SPATA2: variants seen among roughly 807,000 people sequenced by gnomAD.
The protein encoded by SPATA2 is spermatogenesis-associated protein 2.
SPATA2 carries 8 observed loss-of-function variants against 35.4 expected under a neutral mutation model. That is an observed-to-expected ratio of 0.23 (90% confidence interval 0.13 to 0.41). The LOEUF (loss-of-function observed/expected upper bound fraction) is 0.41, where lower values mean the gene tolerates loss of function less well. SPATA2 is among the 10% of genes least tolerant of loss of function. SPATA2 has a pLI of 1.00. For missense variants in SPATA2, 650 were observed against 698.7 expected, an observed-to-expected ratio of 0.93 and a Z score of 0.79; for synonymous variants, 293 against 300.9, an observed-to-expected ratio of 0.97 and a Z score of 0.27.
At chr20:49,909,490 G>C (rs1025560880) in intron 1 of SPATA2, among the ~76,000 whole-genome samples, 4 of 151,754 alleles carry the variant, frequency 2.6e-5, no homozygotes, top group African/African-American at 4.8e-5. Context: ...AGGATGGCTT[G>C]AGTCCAGGAG....
At position 49,906,950 on chromosome 20, in the gene SPATA2, G is replaced by A. The variant is rs2090149528; in HGVS notation, c.337-105C>T. On this transcript the variant is annotated intron_variant, in intron 2 of 2. Transcript: ENST00000289431. The surrounding 1 kb of genome is among the most constrained non-coding windows in gnomAD (Gnocchi z 8.2). The stretch of plus-strand genomic sequence containing the variant: ...GTCCAGCTCTGAAGTGGGGCGGCGG[G>A]GAGAGGGCAGGGCAGGGAAGGATCT... 3.1e-6 allele frequency: 4 copies of A among 1,277,528 alleles called. No homozygotes were observed. The Admixed American group carries it at 7.6e-5, about 24-fold the overall frequency. 79.1% of individuals were successfully genotyped at this position (1,277,528 alleles called of 1,614,324 possible). A position where few individuals can be genotyped will look rare whatever the true frequency, so the allele number is the denominator to read the frequency against.
At chr20:49,910,829 C>T (rs1364960912) in intron 1 of SPATA2, among the ~76,000 whole-genome samples, 1 of 151,560 alleles carries the variant, frequency 6.6e-6, no homozygotes, top group African/African-American at 2.4e-5. Flanking sequence ...AAACTAGGGA[C>T]ACAGAGAGGC....
intron 1 of SPATA2, among the ~76,000 whole-genome samples, chr20:49,910,191 A>G (rs1355246486): frequency 1.3e-5 from 2 of 152,198 alleles, no homozygotes; most frequent in Non-Finnish European, 2.9e-5. Flanking sequence ...CACGGGGTCC[A>G]AGGCCAGGCA....
intron 2 of SPATA2, among the ~76,000 whole-genome samples, chr20:49,907,942 T>G (rs1271290289): frequency 6.6e-6 from 1 of 152,198 alleles, no homozygotes; most frequent in Non-Finnish European, 1.5e-5. Flanking sequence ...ATAACCTGGC[T>G]GCCCCTGCCT....
rs748281061 is a variant in SPATA2 at position 49,906,401 on chromosome 20, A to C, written c.781T>G (p.Trp261Gly). The C allele has an allele frequency of 6.8e-5, 109 of 1,613,544 alleles. No homozygotes were observed. The Admixed American group carries it at 1.7e-3, about 26-fold the overall frequency. Residue 261 changes from tryptophan to glycine, a missense_variant, in exon 3 of 3, where the codon TGG (tryptophan) becomes GGG (glycine). By Grantham distance (184) the Trp-to-Gly change is radical. Coordinates refer to ENST00000289431, the MANE Select transcript of SPATA2 (RefSeq NM_006038.4). The surrounding 1 kb of genome is among the most constrained non-coding windows in gnomAD (Gnocchi z 8.2). Reference protein sequence around the residue: ...SRSVDAYDSYWESRKPPLKAS... With the variant: ...SRSVDAYDSYGESRKPPLKAS... ...TTCAGGGGTGGCTTCCGGCTCTCCC[A>C]GTAGCTGTCATAGGCATCCACTGAC...
intron 1 of SPATA2, among the ~76,000 whole-genome samples, chr20:49,914,408 T>C (rs1257167281): frequency 6.6e-6 from 1 of 152,140 alleles, no homozygotes; most frequent in Non-Finnish European, 1.5e-5. Context: ...TTTTGGTCTG[T>C]GCACTGCCCC....
Position 49,908,347 on chromosome 20 carries a change from G to A in SPATA2, c.144C>T (p.Thr48=), listed in dbSNP as rs1471749270. 2.5e-6 allele frequency: 4 copies of A among 1,614,268 alleles called. No homozygotes were observed. The South Asian group carries it at 4.4e-5, about 18-fold the overall frequency. Residue 48 remains threonine (T), a synonymous_variant, in exon 2 of 3, where the codon ACC becomes ACT. Transcript: ENST00000289431. ...GATCCACCTTGTGCAGGCTGAGCAG[G>A]GTTGAGGCTGCCACCCGCAGGCACT... ...SDECLRVAAS[T]LLSLHKVDPF... is the part of the protein sequence containing the mutation.
chr20:49,904,301 T>G lies in SPATA2; in HGVS notation c.*1318A>C, dbSNP rs1415883446. On this transcript the variant is annotated 3_prime_UTR_variant, in exon 3 of 3. Transcript: ENST00000289431. ...AAGCGCTTAGGCTTAGCTGAGCATC[T>G]GAGGAGCCGTCTCTCTGATGGGCAC... is the stretch of plus-strand genomic sequence containing the variant. 1 of 152,500 alleles carries G rather than the reference T, an allele frequency of 6.6e-6. No homozygotes were observed. The highest frequency in any genetic ancestry group is 1.9e-4 in the East Asian group (1 of 5,192). The allele number at this position is 152,500 out of a possible 1,614,324, so 9.4% of individuals were successfully genotyped here. A position where few individuals can be genotyped will look rare whatever the true frequency, so the allele number is the denominator to read the frequency against.
chr20:49,903,420 T>G lies in SPATA2; in HGVS notation c.*2199A>C, dbSNP rs1402798734. The G allele has an allele frequency of 6.6e-6, 1 of 152,284 alleles. No individual in the cohort carries two copies. Among genetic ancestry groups the G allele is most frequent in the Admixed American group, 6.5e-5 (1 of 15,272 alleles). The allele number at this position is 152,284 out of a possible 1,614,324, so 9.4% of individuals were successfully genotyped here. ...ACAATGGAAGACACTTTATTATTAT[T>G]ATTTTTAATCATCTCTCAACATTTC... On this transcript the variant is annotated 3_prime_UTR_variant, in exon 3 of 3. Coordinates refer to ENST00000289431, the MANE Select transcript of SPATA2 (RefSeq NM_006038.4).
At position 49,904,787 on chromosome 20, in the gene SPATA2, A is replaced by G. The variant is rs2090130535; in HGVS notation, c.*832T>C. ...CTAAAGAACCCAGGGCATTTAATAA[A>G]TAGCTACATAATTCATTTTTTTAAC... On this transcript the variant is annotated 3_prime_UTR_variant, in exon 3 of 3. Coordinates refer to ENST00000289431, the MANE Select transcript of SPATA2 (RefSeq NM_006038.4). 1 of 152,678 alleles carries G rather than the reference A, an allele frequency of 6.5e-6. No homozygotes were observed. Among genetic ancestry groups the G allele is most frequent in the African/African-American group, 2.4e-5 (1 of 41,456 alleles). 9.5% of individuals were successfully genotyped at this position (152,678 alleles called of 1,614,324 possible). A position where few individuals can be genotyped will look rare whatever the true frequency, so the allele number is the denominator to read the frequency against.
Position 49,903,507 on chromosome 20 carries a change from TCTCAA to T in SPATA2, c.*2107_*2111del, listed in dbSNP as rs1451993014. On this transcript the variant is annotated 3_prime_UTR_variant, in exon 3 of 3. Transcript: ENST00000289431. ...TTTTAAATTAGCATGTATTTAACTA[TCTCAA>T]TCACAGCAACCTCATCCAGTAAGAT... is the stretch of plus-strand genomic sequence containing the variant. The T allele has an allele frequency of 6.6e-6, 1 of 152,192 alleles. No individual in the cohort carries two copies. Among genetic ancestry groups the T allele is most frequent in the Non-Finnish European group, 1.5e-5 (1 of 68,044 alleles). The allele number at this position is 152,192 out of a possible 1,614,324, so 9.4% of individuals were successfully genotyped here. A position where few individuals can be genotyped will look rare whatever the true frequency, so the allele number is the denominator to read the frequency against.
In SPATA2 at chr20:49,905,545, G is replaced by A. The variant is rs967653278; in HGVS notation, c.*74C>T. On this transcript the variant is annotated 3_prime_UTR_variant, in exon 3 of 3. Coordinates refer to ENST00000289431, the MANE Select transcript of SPATA2 (RefSeq NM_006038.4). ...AGGCCTCCGCCTCTGAGATCAATGC[G>A]TTAGTACTTCTTCACCGTGAAACCC... 3.0e-5 allele frequency: 46 copies of A among 1,531,724 alleles called. 1 individual carries two copies. The highest frequency in any genetic ancestry group is 5.3e-5 in the Admixed American group (3 of 56,588). The allele number at this position is 1,531,724 out of a possible 1,614,324, so 94.9% of individuals were successfully genotyped here.
rs878895917 is a variant in SPATA2 at position 49,908,455 on chromosome 20, C to T, written c.36G>A (p.Lys12=). The change falls in exon 2 of 3, where the codon AAG becomes AAA. Residue 12 remains lysine (K), a synonymous_variant. Transcript: ENST00000289431. ...GKPSSMDTKF[K]DDLFRKYVQF... ...GCACGTACTTCCGAAATAAGTCATC[C>T]TTGAATTTAGTATCCATTGAACTGG... is the stretch of plus-strand genomic sequence containing the variant. 2 of 1,604,754 alleles carry T rather than the reference C, an allele frequency of 1.2e-6. No homozygotes were observed. Among genetic ancestry groups the T allele is most frequent in the South Asian group, 2.2e-5 (2 of 90,848 alleles).
At position 49,906,078 on chromosome 20, in the gene SPATA2, G is replaced by A. The variant is rs2090141041; in HGVS notation, c.1104C>T (p.Tyr368=). 1 of 1,609,202 alleles carries A rather than the reference G, an allele frequency of 6.2e-7. No individual in the cohort carries two copies. Among genetic ancestry groups the A allele is most frequent in the African/African-American group, 1.3e-5 (1 of 74,924 alleles). The part of the protein sequence containing the change: ...WLLRNDAHSL[Y]HKRSPPAKES... ...CTTTGGCAGGGGGCGAGCGCTTGTG[G>A]TAGAGGGAGTGGGCATCGTTTCTGA... Residue 368 remains tyrosine, a synonymous_variant, in exon 3 of 3, where the codon TAC becomes TAT. Transcript: ENST00000289431. This position sits in a 1 kb window ranked among gnomAD's most constrained non-coding sequence, Gnocchi z 8.2.
chr20:49,905,771 T>C lies in SPATA2; in HGVS notation c.1411A>G (p.Thr471Ala). The C allele has an allele frequency of 6.2e-7, 1 of 1,614,152 alleles. No homozygotes were observed. The highest frequency in any genetic ancestry group is 1.1e-5 in the South Asian group (1 of 91,074). The change falls in exon 3 of 3, where the codon ACC becomes GCC. Residue 471 changes from threonine (T) to alanine (A), a missense_variant. Physicochemically the swap from Thr to Ala is moderately conservative, Grantham distance 58. Transcript: ENST00000289431. ...GFCNRPGATN[T>A]CTQCSKVSCD... is the part of the protein sequence containing the mutation. ...GAGACTTTTGAACACTGGGTGCAGG[T>C]GTTGGTGGCGCCTGGGCGGTTGCAG... is the stretch of plus-strand genomic sequence containing the variant.
intron 1 of SPATA2, 102 bp downstream of exon 1, chr20:49,915,278 G>A (rs1447943971): frequency 6.6e-6 from 1 of 152,280 alleles, no homozygotes; most frequent in Admixed American, 6.5e-5. Flanking sequence ...TGCCGTGAGG[G>A]TACCCCGCTC....
Position 49,905,317 on chromosome 20 carries a change from C to CAA in SPATA2, c.*300_*301dup, listed in dbSNP as rs1418896401. The CAA allele has an allele frequency of 2.6e-6, 1 of 385,460 alleles. No homozygotes were observed. The highest frequency in any genetic ancestry group is 4.6e-6 in the Non-Finnish European group (1 of 217,782). The allele number at this position is 385,460 out of a possible 1,614,324, so 23.9% of individuals were successfully genotyped here. ...CTCTTTAAAGGAAAAAACAAAACAA[C>CAA]AAAACAAAACAAAACAAAACCCCAA... is the stretch of plus-strand genomic sequence containing the variant. On this transcript the variant is annotated 3_prime_UTR_variant, in exon 3 of 3. Coordinates refer to ENST00000289431, the MANE Select transcript of SPATA2 (RefSeq NM_006038.4).
Position 49,906,095 on chromosome 20 carries a change from C to T in SPATA2, c.1087G>A (p.Asp363Asn), listed in dbSNP as rs376795376. ...CGCTTGTGGTAGAGGGAGTGGGCAT[C>T]GTTTCTGAGCAGCCACACATCCGGC... ...LRPDVWLLRN[D>N]AHSLYHKRSP... is the part of the protein sequence containing the mutation. Residue 363 changes from aspartate (D) to asparagine (N), a missense_variant, in exon 3 of 3, where the codon GAT (aspartate) becomes AAT (asparagine). Physicochemically the swap from Asp to Asn is conservative, Grantham distance 23 (BLOSUM62 1). Coordinates refer to ENST00000289431, the MANE Select transcript of SPATA2 (RefSeq NM_006038.4). This position sits in a 1 kb window ranked among gnomAD's most constrained non-coding sequence, Gnocchi z 8.2. 15 of 1,610,882 alleles carry T rather than the reference C, an allele frequency of 9.3e-6. No homozygotes were observed. In the African/African-American group the frequency reaches 1.3e-4, roughly 14 times the overall value.
At chr20:49,907,409 G>A (rs2090153969) in intron 2 of SPATA2, among the ~76,000 whole-genome samples, 1 of 152,152 alleles carries the variant, frequency 6.6e-6, no homozygotes. Flanking sequence ...TCCTAGTGGG[G>A]CACGAAGACT....
Sources: gnomAD v4.1 joint callset for allele counts (sites outside exome capture counted in the v4.1 genomes callset) on GRCh38, gnomAD v4.1.1 for gene constraint, Gnocchi (gnomAD v3.1) non-coding constraint, MANE v1.5 for transcripts, NCBI Gene and HGNC (gene_info 2026-07-23, HGNC 2026-07-21) for gene names.